Variants in MCFD2 observed in about 807,000 individuals in gnomAD.
MCFD2 encodes the protein multiple coagulation factor deficiency 2, ER cargo receptor complex subunit, also known as multiple coagulation factor deficiency protein 2.
A neutral mutation model predicts 12.8 loss-of-function variants in MCFD2; 11 were observed. The observed-to-expected ratio is 0.86, with a 90% confidence interval of 0.54 to 1.42. MCFD2 has a LOEUF of 1.42. MCFD2 is among the 40% of genes most tolerant of loss of function. The probability of loss-of-function intolerance (pLI) is 0.00; values close to 1 mark genes in which losing one functional copy is unlikely to be tolerated. For missense variants in MCFD2, 191 were observed against 178.6 expected (o/e 1.07, Z -0.40); for synonymous variants, 70 against 68.1 (o/e 1.03, Z -0.14).
chr2:46,915,471 C>G (rs941673677), intron 1 of MCFD2, among the ~76,000 whole-genome samples: 1 of 152,168 alleles, frequency 6.6e-6, no homozygotes, highest in African/African-American at 2.4e-5. Flanking sequence ...GATCCTCGGG[C>G]CCCTAGGGAC....
At chr2:46,905,642 G>T in intron 3 of MCFD2, 48 bp from the exon 4 acceptor site, 1 of 1,457,452 alleles carries the variant, frequency 6.9e-7, no homozygotes, top group Non-Finnish European at 9.3e-7. Context: ...TTTACCGGAA[G>T]AAGTGCTTAA....
chr2:46,922,468 T>C (rs1489864192), intron 1 of MCFD2, among the ~76,000 whole-genome samples: 1 of 152,156 alleles, frequency 6.6e-6, no homozygotes, highest in South Asian at 2.1e-4. Context: ...CTGGTTTATA[T>C]AGGTAGTATT....
At chr2:46,929,722 C>T (rs1351429600) in intron 1 of MCFD2, among the ~76,000 whole-genome samples, 1 of 151,946 alleles carries the variant, frequency 6.6e-6, no homozygotes, top group Non-Finnish European at 1.5e-5. Flanking sequence ...TTGCAAAAAG[C>T]CAGAAAAATA....
At chr2:46,910,519 A>T (rs1025695440) in intron 1 of MCFD2, among the ~76,000 whole-genome samples, 1 of 152,170 alleles carries the variant, frequency 6.6e-6, no homozygotes, top group African/African-American at 2.4e-5. Context: ...CATGCTACAC[A>T]CAGGGCTCAG....
chr2:46,908,996 G>A lies in MCFD2; in HGVS notation c.149+27C>T, dbSNP rs1307435661. 3.7e-6 allele frequency: 6 copies of A among 1,613,494 alleles called. No individual in the cohort carries two copies. Among genetic ancestry groups the A allele is most frequent in the African/African-American group, 1.3e-5 (1 of 74,520 alleles). On this transcript the variant is annotated intron_variant, in intron 2 of 3. Coordinates refer to ENST00000319466, the MANE Select transcript of MCFD2 (RefSeq NM_139279.6). The surrounding 1 kb of genome is among the most constrained non-coding windows in gnomAD (Gnocchi z 4.5). The stretch of plus-strand genomic sequence containing the variant: ...AGCTGCAGATGATGGGGAGGCCACT[G>A]GACCACAGCCCGGGCTGAATACGTA...
chr2:46,938,377 C>T (rs922370238), intron 1 of MCFD2, among the ~76,000 whole-genome samples: 3 of 151,950 alleles, frequency 2.0e-5, no homozygotes, highest in Non-Finnish European at 2.9e-5. Flanking sequence ...TTGGGTCATA[C>T]GCCTATCTAA....
Position 46,907,741 on chromosome 2 carries a change from G to T in MCFD2, c.309+69C>A. ...ACATAAGGACAACACAAGTCAACAA[G>T]ACTGGGGACCAAATTAACAAAGGGA... On this transcript the variant is annotated intron_variant, in intron 3 of 3. Coordinates refer to ENST00000319466, the MANE Select transcript of MCFD2 (RefSeq NM_139279.6). The surrounding 1 kb of genome is among the most constrained non-coding windows in gnomAD (Gnocchi z 4.1). 1.3e-6 allele frequency: 2 copies of T among 1,529,296 alleles called. No individual in the cohort carries two copies. The highest frequency in any genetic ancestry group is 1.8e-6 in the Non-Finnish European group (2 of 1,106,600). The allele number at this position is 1,529,296 out of a possible 1,614,324, so 94.7% of individuals were successfully genotyped here.
chr2:46,906,170 A>G (rs997551914), intron 3 of MCFD2, among the ~76,000 whole-genome samples: 1 of 152,216 alleles, frequency 6.6e-6, no homozygotes, highest in South Asian at 2.1e-4. Flanking sequence ...CACATCTCCC[A>G]CATTCACCAT....
chr2:46,931,436 G>A (rs1005153528), intron 1 of MCFD2, among the ~76,000 whole-genome samples: 1 of 152,196 alleles, frequency 6.6e-6, no homozygotes, highest in African/African-American at 2.4e-5. Context: ...ATTAAATTGA[G>A]GACCTTGAGA....
rs1670026551 is a variant in MCFD2, at chr2:46,937,283, C to T, written c.-8+4289G>A. ...AAACCTGCTATTTCTTTTCCCCTAC[C>T]CTATGCTCCTCCATCTCCCTCTGCC... On this transcript the variant is annotated intron_variant, in intron 1 of 2. Coordinates refer to the MCFD2 transcript ENST00000409147. This position sits in a 1 kb window ranked among gnomAD's most constrained non-coding sequence, Gnocchi z 4.0. 6.6e-6 allele frequency among the ~76,000 whole-genome samples: 1 copy of T among 152,084 alleles called. No individual in the cohort carries two copies. Among genetic ancestry groups the T allele is most frequent in the African/African-American group, 2.4e-5 (1 of 41,404 alleles).
Position 46,940,512 on chromosome 2 carries a change from CCTG to C in MCFD2, c.-8+1057_-8+1059del, listed in dbSNP as rs1294237335. On this transcript the variant is annotated intron_variant, in intron 1 of 2. Transcript: ENST00000409147. This position sits in a 1 kb window ranked among gnomAD's most constrained non-coding sequence, Gnocchi z 4.7. The stretch of plus-strand genomic sequence containing the variant: ...GGCACCCCACAGCCCTGGGCTAAAC[CCTG>C]CTAAGCACTCCATAGAGCTTTGATC... Among the ~76,000 whole-genome samples the C allele has an allele frequency of 1.3e-5, 2 of 152,182 alleles. No homozygotes were observed. The highest frequency in any genetic ancestry group is 2.9e-5 in the Non-Finnish European group (2 of 68,036).
At chr2:46,919,850 C>T (rs1669006490), upstream of MCFD2, among the ~76,000 whole-genome samples, 1 of 152,248 alleles carries the variant, frequency 6.6e-6, no homozygotes, top group Admixed American at 6.5e-5. Flanking sequence ...AAAGGTCTTG[C>T]TCTATCACCC....
At position 46,903,184 on chromosome 2, in the gene MCFD2, G is replaced by C. The variant is rs1037278084; in HGVS notation, c.*2279C>G. The stretch of plus-strand genomic sequence containing the variant: ...TCTGATCAGTTTATCAGGGGTTTCT[G>C]CTTTTGCTTCTTCCTCATTTTTTCT... On this transcript the variant is annotated 3_prime_UTR_variant, in exon 4 of 4. Coordinates refer to ENST00000319466, the MANE Select transcript of MCFD2 (RefSeq NM_139279.6). 1 of 153,550 alleles carries C rather than the reference G, an allele frequency of 6.5e-6. No individual in the cohort carries two copies. The allele number at this position is 153,550 out of a possible 1,614,324, so 9.5% of individuals were successfully genotyped here. A position where few individuals can be genotyped will look rare whatever the true frequency, so the allele number is the denominator to read the frequency against.
intron 1 of MCFD2, chr2:46,910,651 C>T (rs1172044338): frequency 6.6e-6 from 1 of 152,222 alleles, no homozygotes; most frequent in East Asian, 1.9e-4. Context: ...CACCCTACAA[C>T]ACTTAGAAAA....
intron 1 of MCFD2, among the ~76,000 whole-genome samples, chr2:46,914,722 C>A (rs182361171): frequency 4.9e-4 from 74 of 152,220 alleles, no homozygotes; most frequent in Non-Finnish European, 9.0e-4. Context: ...ACCACGAAAT[C>A]CCCAACTGAC....
chr2:46,913,842 T>C (rs73926957), intron 1 of MCFD2: 1,742 of 153,496 alleles, frequency 0.011, 37 homozygotes, highest in African/African-American at 0.039. Context: ...CAGCCTCCGC[T>C]CCTACTGGTT....
At position 46,902,299 on chromosome 2, in the gene MCFD2, C is replaced by T. The variant is rs1416339481; in HGVS notation, c.*3164G>A. The T allele has an allele frequency of 2.0e-5, 3 of 152,636 alleles. No homozygotes were observed. The East Asian group carries it at 5.8e-4, about 29-fold the overall frequency. The allele number at this position is 152,636 out of a possible 1,614,324, so 9.5% of individuals were successfully genotyped here. A position where few individuals can be genotyped will look rare whatever the true frequency, so the allele number is the denominator to read the frequency against. On this transcript the variant is annotated 3_prime_UTR_variant, in exon 4 of 4. Transcript: ENST00000319466. The stretch of plus-strand genomic sequence containing the variant: ...AAGAGGTAACTTCAACAATATCCCT[C>T]TTGACTAGAACTTCTATCTGATTAA...
At chr2:46,934,692 AAAAC>A (rs529872793) in intron 1 of MCFD2, among the ~76,000 whole-genome samples, 217 of 152,084 alleles carry the variant, frequency 1.4e-3, no homozygotes, top group African/African-American at 5.0e-3. Flanking sequence ...CTCAAAAACA[AAAAC>A]AAACAAACAA....
chr2:46,925,924 C>A (rs974258157), intron 1 of MCFD2, among the ~76,000 whole-genome samples: 2 of 152,208 alleles, frequency 1.3e-5, no homozygotes, highest in Admixed American at 1.3e-4. Flanking sequence ...TACAACAGTG[C>A]CACCCAGGTG....
Sources: allele counts gnomAD v4.1 joint callset (sites outside exome capture counted in the v4.1 genomes callset), GRCh38; gene constraint gnomAD v4.1.1; non-coding constraint Gnocchi (gnomAD v3.1); transcripts MANE v1.5; gene names NCBI Gene and HGNC (gene_info 2026-07-23, HGNC 2026-07-21).